The following UPP2 variants were observed in gnomAD, a reference collection of about 807,000 sequenced individuals.
UPP2 encodes the protein uridine phosphorylase 2.
UPP2 carries 23 observed loss-of-function variants against 26.7 expected under a neutral mutation model. The ratio of observed to expected loss-of-function variants is 0.86; its 90% CI spans 0.62 to 1.22. The LOEUF is 1.22. Ranked by LOEUF, UPP2 falls within the 50% of genes most tolerant of loss-of-function variation. The pLI is 0.00. For synonymous variants in UPP2, 127 were observed against 141.3 expected (o/e 0.90, Z 0.72); for missense variants, 387 against 396.7 (o/e 0.98, Z 0.21).
chr2:158,020,126 G>T (rs1351725453), intron 3 of UPP2, among the ~76,000 whole-genome samples: 2 of 151,622 alleles, frequency 1.3e-5, no homozygotes, highest in East Asian at 3.9e-4. Context: ...TTTGGTTTTT[G>T]TTTTTTTTAA....
intron 3 of UPP2, among the ~76,000 whole-genome samples, chr2:158,047,582 C>T (rs1369072564): frequency 6.6e-6 from 1 of 152,168 alleles, no homozygotes; most frequent in South Asian, 2.1e-4. Context: ...TGAGAAGGCA[C>T]AGGAAGTCTT....
chr2:158,108,218 G>A lies in UPP2; in HGVS notation c.180+2002G>A, dbSNP rs111489727. On this transcript the variant is annotated intron_variant, in intron 2 of 6. Coordinates refer to ENST00000005756, the MANE Select transcript of UPP2 (RefSeq NM_173355.4). ...GTGCGCTTTCTATATATCAGACTCT[G>A]TGTGGCACATGCAAATGGTACATTC... Among the ~76,000 whole-genome samples, 583 of 152,260 alleles carry A rather than the reference G, an allele frequency of 3.8e-3. 6 individuals are homozygous for A. Among genetic ancestry groups the A allele is most frequent in the African/African-American group, 0.013 (544 of 41,528 alleles).
At chr2:158,080,964 T>C (rs1236048268) in intron 3 of UPP2, among the ~76,000 whole-genome samples, 1 of 152,190 alleles carries the variant, frequency 6.6e-6, no homozygotes, top group African/African-American at 2.4e-5. Flanking sequence ...TAAAGGCATT[T>C]ATTTTAAAAT....
upstream of UPP2, among the ~76,000 whole-genome samples, chr2:158,097,371 T>TTC (rs879735828): frequency 4.2e-4 from 64 of 151,518 alleles, no homozygotes; most frequent in Middle Eastern, 6.8e-3. Context: ...AATTCCTGGT[T>TTC]TCTCTCTCTA....
chr2:158,016,471 G>T lies in UPP2; in HGVS notation c.147+585G>T, dbSNP rs1366812376. Among the ~76,000 whole-genome samples the T allele has an allele frequency of 3.3e-5, 5 of 151,944 alleles. No individual in the cohort carries two copies. The East Asian group carries it at 9.7e-4, about 29-fold the overall frequency. ...TTCTCCTGCCTCAGCCTCCCAAGTG[G>T]CTGGGATTATAGACACCCGCCACCA... On this transcript the variant is annotated intron_variant, in intron 3 of 9. Coordinates refer to the UPP2 transcript ENST00000605860.
Position 158,124,980 on chromosome 2 carries a change from T to C in UPP2, c.811+1085T>C, listed in dbSNP as rs531939050. On this transcript the variant is annotated intron_variant, in intron 6 of 6. Transcript: ENST00000005756. ...AGCATATAGATGGCATTTAAAGCTA[T>C]GCAATGGGTAAGATAACAAACAATG... Among the ~76,000 whole-genome samples, 5 of 152,272 alleles carry C rather than the reference T, an allele frequency of 3.3e-5. No homozygotes were observed. The South Asian group carries it at 1.0e-3, about 32-fold the overall frequency.
At chr2:158,001,650 G>A (rs1418981652) in intron 2 of UPP2, among the ~76,000 whole-genome samples, 1 of 152,152 alleles carries the variant, frequency 6.6e-6, no homozygotes, top group Non-Finnish European at 1.5e-5. Flanking sequence ...GCACGCCCTA[G>A]ATCTTGGTCT....
At chr2:158,038,998 C>G (rs4664237) in intron 3 of UPP2, among the ~76,000 whole-genome samples, 34,247 of 152,018 alleles carry the variant, frequency 0.23, 3,958 homozygotes, top group East Asian at 0.34. Context: ...TCCACTTTGG[C>G]TGGTTGCACT....
chr2:158,105,392 T>C (rs1683171035), intron 1 of UPP2, among the ~76,000 whole-genome samples: 1 of 152,120 alleles, frequency 6.6e-6, no homozygotes, highest in Admixed American at 6.5e-5. Context: ...GAAAGTGGTG[T>C]GTTCAGCATG....
At chr2:158,018,612 T>A (rs1350964995) in intron 3 of UPP2, among the ~76,000 whole-genome samples, 1 of 152,172 alleles carries the variant, frequency 6.6e-6, no homozygotes, top group Non-Finnish European at 1.5e-5. Context: ...GGCTGCATAA[T>A]CTCTCTATTT....
Position 158,023,570 on chromosome 2 carries a change from G to T in UPP2, c.147+7684G>T, listed in dbSNP as rs114301315. Among the ~76,000 whole-genome samples the T allele has an allele frequency of 4.2e-3, 643 of 152,272 alleles. 6 individuals carry two copies. Among genetic ancestry groups the T allele is most frequent in the African/African-American group, 0.015 (610 of 41,554 alleles). On this transcript the variant is annotated intron_variant, in intron 3 of 9. Transcript: ENST00000605860. ...CGACCTGTCCAAGTTCACAAAGCTG[G>T]TCAGCAGGAGAGCCTGGCCTGGAAG... is the stretch of plus-strand genomic sequence containing the variant.
At chr2:158,058,256 G>A (rs1391551241) in intron 3 of UPP2, among the ~76,000 whole-genome samples, 1 of 146,078 alleles carries the variant, frequency 6.8e-6, no homozygotes, top group Admixed American at 7.0e-5. Flanking sequence ...TTGTGCCACT[G>A]CATGCCAGCC....
chr2:158,088,187 C>A (rs563208637), intron 3 of UPP2, among the ~76,000 whole-genome samples: 2 of 152,082 alleles, frequency 1.3e-5, no homozygotes, highest in South Asian at 4.2e-4. Flanking sequence ...TTTTAAAATT[C>A]TTTCTTCCTC....
At chr2:158,134,068 TTTTG>T (rs1397943125) in intron 6 of UPP2, 2 of 152,204 alleles carry the variant, frequency 1.3e-5, no homozygotes, top group South Asian at 2.1e-4. Flanking sequence ...TAAAAAAGAC[TTTTG>T]TTTTTTTTCC....
chr2:158,020,433 C>G (rs896663243), intron 3 of UPP2, among the ~76,000 whole-genome samples: 2 of 152,230 alleles, frequency 1.3e-5, no homozygotes, highest in Non-Finnish European at 2.9e-5. Context: ...CATTTCCCCT[C>G]AAGTCCAGAG....
intron 6 of UPP2, among the ~76,000 whole-genome samples, chr2:158,131,102 C>T (rs141865616): frequency 5.5e-4 from 84 of 152,262 alleles, no homozygotes; most frequent in African/African-American, 1.9e-3. Flanking sequence ...GCTTTACATA[C>T]CAGGCATATA....
chr2:158,022,944 G>T (rs764745544), intron 3 of UPP2, among the ~76,000 whole-genome samples: 25 of 152,206 alleles, frequency 1.6e-4, no homozygotes, highest in Non-Finnish European at 3.2e-4. Context: ...AGCTGAGTAT[G>T]CATAGGGAAT....
chr2:158,103,722 T>G (rs1683123356), intron 1 of UPP2, among the ~76,000 whole-genome samples: 1 of 152,200 alleles, frequency 6.6e-6, no homozygotes, highest in South Asian at 2.1e-4. Flanking sequence ...CACACAGAGT[T>G]TGTTAAAATG....
intron 3 of UPP2, among the ~76,000 whole-genome samples, chr2:158,075,538 T>C (rs190557248): frequency 4.9e-4 from 74 of 152,104 alleles, no homozygotes; most frequent in Middle Eastern, 6.8e-3. Flanking sequence ...AAGTTGAATT[T>C]TGACAACTGC....
Sources: allele counts gnomAD v4.1 joint callset (sites outside exome capture counted in the v4.1 genomes callset), GRCh38; gene constraint gnomAD v4.1.1; transcripts MANE v1.5; gene names NCBI Gene and HGNC (gene_info 2026-07-23, HGNC 2026-07-21).